The following ZNF608 variants were observed in gnomAD, a reference collection of about 807,000 sequenced individuals.
ZNF608 encodes zinc finger protein 608.
A neutral mutation model predicts 109.0 loss-of-function variants in ZNF608; 12 were observed. The ratio of observed to expected loss-of-function variants is 0.11; its 90% CI spans 0.07 to 0.18. The LOEUF (loss-of-function observed/expected upper bound fraction) is 0.18. Among genes scored for constraint, ZNF608 ranks in the 10% least tolerant of loss-of-function variants. The pLI is 1.00. For missense variants in ZNF608, 1,707 were observed against 1,879.3 expected, an observed-to-expected ratio of 0.91 and a Z score of 1.70; for synonymous variants, 732 against 717.4, an observed-to-expected ratio of 1.02 and a Z score of -0.33.
intron 3 of ZNF608, among the ~76,000 whole-genome samples, chr5:124,673,093 G>A (rs1358810033): frequency 1.3e-5 from 2 of 152,184 alleles, no homozygotes; most frequent in Non-Finnish European, 2.9e-5. Context: ...AATAGCCAAT[G>A]AGGGGGCCTA....
In ZNF608 at chr5:124,648,441, G is replaced by A; in HGVS notation, c.1943C>T (p.Pro648Leu). 1 of 1,614,146 alleles carries A rather than the reference G, an allele frequency of 6.2e-7. No homozygotes were observed. The highest frequency in any genetic ancestry group is 8.5e-7 in the Non-Finnish European group (1 of 1,180,038). The part of the protein sequence containing the change: ...KGKRELMSNG[P>L]GSIIGAKAGK... Reference sequence around the variant, plus strand: ...AGCTTTAGCACCAATAATGGAACCTGGGCCATTGCTCATCAGCTCTCTCTT... The same window carrying A: ...AGCTTTAGCACCAATAATGGAACCTAGGCCATTGCTCATCAGCTCTCTCTT... Residue 648 changes from proline to leucine, a missense_variant, in exon 5 of 10, where the codon CCA (proline) becomes CTA (leucine). By Grantham distance (98) the Pro-to-Leu change is moderately conservative. Coordinates refer to ENST00000513986, the MANE Select transcript of ZNF608 (RefSeq NM_020747.3).
chr5:124,699,034 C>A (rs559146369), intron 3 of ZNF608, among the ~76,000 whole-genome samples: 4 of 152,168 alleles, frequency 2.6e-5, no homozygotes, highest in African/African-American at 9.7e-5. Flanking sequence ...CAGCATTTCA[C>A]GCTAATGAGT....
At chr5:124,699,826 A>G (rs1361552628) in intron 3 of ZNF608, among the ~76,000 whole-genome samples, 1 of 151,926 alleles carries the variant, frequency 6.6e-6, no homozygotes, top group East Asian at 1.9e-4. Flanking sequence ...ATCCTTAACT[A>G]TTTTTTCTCA....
At chr5:124,715,456 G>A (rs188849797) in intron 2 of ZNF608, among the ~76,000 whole-genome samples, 2 of 152,254 alleles carry the variant, frequency 1.3e-5, no homozygotes, top group East Asian at 3.9e-4. Context: ...TTTCTATTAT[G>A]CACTCCCTTA....
intron 7 of ZNF608, among the ~76,000 whole-genome samples, chr5:124,642,990 C>T (rs1001456107): frequency 3.9e-5 from 6 of 152,034 alleles, no homozygotes; most frequent in South Asian, 2.1e-4. Context: ...GGCTCACTCC[C>T]GGCCCAGATT....
At chr5:124,748,615 AATCTCTTCAACAAATTT>A, upstream of ZNF608, 1 of 965,606 alleles carries the variant, frequency 1.0e-6, no homozygotes, top group Non-Finnish European at 1.2e-6. Context: ...TGGAAATTAT[AATCTCTTCAACAAATTT>A]ATTATTAAAG....
intron 3 of ZNF608, among the ~76,000 whole-genome samples, chr5:124,680,906 G>A (rs1331426995): frequency 6.6e-6 from 1 of 151,856 alleles, no homozygotes; most frequent in East Asian, 1.9e-4. Context: ...AAATGAAAAA[G>A]CAAAGATAAA....
At chr5:124,714,781 T>C (rs1753631071) in intron 2 of ZNF608, among the ~76,000 whole-genome samples, 1 of 152,228 alleles carries the variant, frequency 6.6e-6, no homozygotes, top group African/African-American at 2.4e-5. Context: ...ATTTGTCACA[T>C]GGCTAAACCA....
At chr5:124,702,569 CTAGT>C (rs1753097921) in intron 2 of ZNF608, among the ~76,000 whole-genome samples, 1 of 152,006 alleles carries the variant, frequency 6.6e-6, no homozygotes, top group Non-Finnish European at 1.5e-5. Context: ...AAGTGTGCTC[CTAGT>C]TAAACAGCTG....
chr5:124,671,104 G>A (rs957363957), intron 3 of ZNF608, among the ~76,000 whole-genome samples: 5 of 152,174 alleles, frequency 3.3e-5, no homozygotes, highest in Admixed American at 6.5e-5. Flanking sequence ...GGAGATCTCC[G>A]TGAATGGAAA....
At chr5:124,671,097 G>A (rs1364829861) in intron 3 of ZNF608, among the ~76,000 whole-genome samples, 2 of 152,182 alleles carry the variant, frequency 1.3e-5, no homozygotes, top group Admixed American at 1.3e-4. Flanking sequence ...CCCAGCTGGA[G>A]ATCTCCGTGA....
chr5:124,687,093 C>T (rs1752437880), intron 3 of ZNF608, among the ~76,000 whole-genome samples: 1 of 152,188 alleles, frequency 6.6e-6, no homozygotes, highest in Non-Finnish European at 1.5e-5. Flanking sequence ...TCCCTCACAG[C>T]ATATTTTTTA....
rs754114579 is a variant in ZNF608, at chr5:124,744,281, C to A, written c.709G>T (p.Gly237Cys). Reference protein sequence around the residue: ...SQAPSGGHLYGFGAKSNGGGA... With the variant: ...SQAPSGGHLYCFGAKSNGGGA... ...CCTCCATTGCTCTTGGCCCCAAAGC[C>A]ATAGAGGTGCCCCCCGGAAGGGGCC... The change falls in exon 2 of 10, where the codon GGC (glycine) becomes TGC (cysteine). Residue 237 changes from glycine to cysteine, a missense_variant. By Grantham distance (159) the Gly-to-Cys change is radical. Transcript: ENST00000513986. This position sits in a 1 kb window ranked among gnomAD's most constrained non-coding sequence, Gnocchi z 4.5. 6.2e-7 allele frequency: 1 copy of A among 1,613,908 alleles called. No individual in the cohort carries two copies. Among genetic ancestry groups the A allele is most frequent in the South Asian group, 1.1e-5 (1 of 91,068 alleles).
chr5:124,639,649 T>C (rs1358411366), intron 8 of ZNF608, among the ~76,000 whole-genome samples: 1 of 152,212 alleles, frequency 6.6e-6, no homozygotes, highest in African/African-American at 2.4e-5. Flanking sequence ...CTGAACACAA[T>C]GCATCCCATA....
chr5:124,722,107 A>G (rs1753948450), intron 2 of ZNF608, among the ~76,000 whole-genome samples: 1 of 152,092 alleles, frequency 6.6e-6, no homozygotes, highest in Admixed American at 6.5e-5. Context: ...TAAAGGCCAC[A>G]TGTGGCCAAC....
At chr5:124,651,837 A>G (rs1750796074) in intron 3 of ZNF608, among the ~76,000 whole-genome samples, 1 of 152,226 alleles carries the variant, frequency 6.6e-6, no homozygotes, top group South Asian at 2.1e-4. Flanking sequence ...TGGCGGAGGC[A>G]AAGGGACGCA....
intron 3 of ZNF608, among the ~76,000 whole-genome samples, chr5:124,684,129 G>A (rs1037401917): frequency 2.0e-5 from 3 of 152,198 alleles, no homozygotes; most frequent in African/African-American, 7.2e-5. Flanking sequence ...TTGCACTATG[G>A]CTAATGCCAT....
At chr5:124,724,545 C>T (rs776217776) in intron 2 of ZNF608, among the ~76,000 whole-genome samples, 1 of 148,140 alleles carries the variant, frequency 6.8e-6, no homozygotes, top group African/African-American at 2.5e-5. Flanking sequence ...ATTATTACCT[C>T]ATCATTTCCA....
intron 3 of ZNF608, among the ~76,000 whole-genome samples, chr5:124,670,021 C>A (rs1301466130): frequency 6.6e-6 from 1 of 152,158 alleles, no homozygotes; most frequent in African/African-American, 2.4e-5. Context: ...CTTTAGAAGT[C>A]ACTAAGGAGC....
Sources: allele counts gnomAD v4.1 joint callset (sites outside exome capture counted in the v4.1 genomes callset), GRCh38; gene constraint gnomAD v4.1.1; non-coding constraint Gnocchi (gnomAD v3.1); transcripts MANE v1.5; gene names NCBI Gene and HGNC (gene_info 2026-07-23, HGNC 2026-07-21).